Variants in ADK observed in about 807,000 individuals in gnomAD.
ADK encodes N6,N6-dimethyladenosine kinase.
A neutral mutation model predicts 44.7 loss-of-function variants in ADK; 24 were observed. The observed-to-expected ratio is 0.54, with a 90% CI of 0.39 to 0.76. ADK has a LOEUF of 0.76. ADK is among the 30% of genes least tolerant of loss of function. The pLI, the probability that ADK is intolerant of heterozygous loss-of-function variation, is 0.00. For missense variants in ADK, 321 were observed against 425.1 expected, an observed-to-expected ratio of 0.76 and a Z score of 2.15; for synonymous variants, 128 against 142.6, an observed-to-expected ratio of 0.90 and a Z score of 0.73.
chr10:74,271,416 C>A (rs1846424226), intron 3 of ADK, among the ~76,000 whole-genome samples: 1 of 150,966 alleles, frequency 6.6e-6, no homozygotes, highest in East Asian at 1.9e-4. Flanking sequence ...GTTGTTTTTT[C>A]TTATTATTAT....
At chr10:74,555,214 C>G (rs1281197883) in intron 7 of ADK, among the ~76,000 whole-genome samples, 1 of 152,196 alleles carries the variant, frequency 6.6e-6, no homozygotes, top group Non-Finnish European at 1.5e-5. Context: ...GAGCCATCAC[C>G]ATGCCACTGT....
chr10:74,686,470 T>C (rs966515930), intron 10 of ADK, among the ~76,000 whole-genome samples: 1 of 152,168 alleles, frequency 6.6e-6, no homozygotes, highest in East Asian at 1.9e-4. Flanking sequence ...TTTGGCTAGC[T>C]TGCTCTTCCA....
intron 7 of ADK, among the ~76,000 whole-genome samples, chr10:74,571,098 T>A (rs1463180358): frequency 6.6e-6 from 1 of 152,226 alleles, no homozygotes; most frequent in Non-Finnish European, 1.5e-5. Flanking sequence ...ATTTATTGAT[T>A]TGCGTATATT....
intron 1 of ADK, among the ~76,000 whole-genome samples, chr10:74,198,808 G>A (rs181536785): frequency 2.5e-4 from 38 of 152,200 alleles, no homozygotes; most frequent in African/African-American, 9.1e-4. Context: ...CTCCAAGTCT[G>A]TTAAATATAA....
chr10:74,570,794 G>A (rs370936272), intron 7 of ADK, among the ~76,000 whole-genome samples: 2 of 152,072 alleles, frequency 1.3e-5, no homozygotes, highest in East Asian at 1.9e-4. Context: ...TCTCCTGCCT[G>A]ATTGCCCTGG....
At chr10:74,443,159 A>G (rs560545758) in intron 6 of ADK, among the ~76,000 whole-genome samples, 1 of 152,268 alleles carries the variant, frequency 6.6e-6, no homozygotes, top group African/African-American at 2.4e-5. Context: ...AGTAGCTCTT[A>G]AGTCTTCTAC....
chr10:74,628,268 T>C (rs1853288348), intron 9 of ADK, among the ~76,000 whole-genome samples: 1 of 152,120 alleles, frequency 6.6e-6, no homozygotes. Flanking sequence ...AATAGAAATA[T>C]CTGTTTACTA....
At chr10:74,366,387 A>G (rs1352801249) in intron 4 of ADK, among the ~76,000 whole-genome samples, 2 of 152,204 alleles carry the variant, frequency 1.3e-5, no homozygotes, top group Admixed American at 1.3e-4. Context: ...TCATTGGTTG[A>G]TATTGAACAA....
intron 1 of ADK, among the ~76,000 whole-genome samples, chr10:74,169,375 T>C (rs1193417909): frequency 6.6e-6 from 1 of 152,358 alleles, no homozygotes; most frequent in East Asian, 1.9e-4. Context: ...TTTAAAAATA[T>C]GTTCTGTGCA....
At chr10:74,297,695 A>C (rs1839867174) in intron 3 of ADK, among the ~76,000 whole-genome samples, 1 of 152,176 alleles carries the variant, frequency 6.6e-6, no homozygotes, top group Non-Finnish European at 1.5e-5. Context: ...ATATGTTTTA[A>C]TGTTTGGGAG....
intron 6 of ADK, among the ~76,000 whole-genome samples, chr10:74,415,511 T>C (rs1844338852): frequency 6.6e-6 from 1 of 152,188 alleles, no homozygotes; most frequent in Non-Finnish European, 1.5e-5. Flanking sequence ...TTATAGAATC[T>C]TTATAGTTTA....
chr10:74,346,978 G>A (rs1205061042), intron 4 of ADK, among the ~76,000 whole-genome samples: 2 of 151,600 alleles, frequency 1.3e-5, no homozygotes, highest in Non-Finnish European at 2.9e-5. Context: ...GGCATGGTGG[G>A]CACCTGTAGT....
intron 10 of ADK, among the ~76,000 whole-genome samples, chr10:74,684,291 T>C (rs530188089): frequency 1.3e-5 from 2 of 152,326 alleles, no homozygotes; most frequent in Non-Finnish European, 2.9e-5. Flanking sequence ...TTGTGACTTG[T>C]TAAATATATG....
chr10:74,398,398 AT>A, intron 5 of ADK, 72 bp from the exon 6 acceptor site: 1 of 943,242 alleles, frequency 1.1e-6, no homozygotes, highest in Non-Finnish European at 1.6e-6. Flanking sequence ...TGCAAAAAAT[AT>A]TGGTAATTAT....
chr10:74,261,713 G>T (rs144258793), intron 3 of ADK, among the ~76,000 whole-genome samples: 10 of 152,268 alleles, frequency 6.6e-5, no homozygotes, highest in African/African-American at 2.4e-4. Context: ...TTTCCTATGT[G>T]AAGTTTGATG....
chr10:74,397,577 G>C (rs2132848654), intron 5 of ADK, among the ~76,000 whole-genome samples: 1 of 152,030 alleles, frequency 6.6e-6, no homozygotes, highest in East Asian at 1.9e-4. Context: ...TTGCCTTGTT[G>C]CCTAGGCTGG....
At chr10:74,400,389 G>A (rs1468031268) in intron 6 of ADK, among the ~76,000 whole-genome samples, 6 of 152,064 alleles carry the variant, frequency 3.9e-5, no homozygotes, top group Admixed American at 2.0e-4. Context: ...TACCTGGGAC[G>A]CTGTATATTC....
chr10:74,226,897 C>T (rs866349792), intron 3 of ADK, among the ~76,000 whole-genome samples: 6 of 152,206 alleles, frequency 3.9e-5, no homozygotes, highest in Middle Eastern at 3.4e-3. Flanking sequence ...GGCTCTCTTC[C>T]TTGTAGTTTT....
At chr10:74,200,602 CTA>C (rs896664055) in intron 1 of ADK, among the ~76,000 whole-genome samples, 160 bp from the exon 2 acceptor site, 2 of 151,872 alleles carry the variant, frequency 1.3e-5, no homozygotes, top group African/African-American at 4.8e-5. Flanking sequence ...TATGCTACCT[CTA>C]AAATGTTCTA....
Sources: allele counts gnomAD v4.1 joint callset (sites outside exome capture counted in the v4.1 genomes callset), GRCh38; gene constraint gnomAD v4.1.1; transcripts MANE v1.5; gene names NCBI Gene and HGNC (gene_info 2026-07-23, HGNC 2026-07-21).